TASP1: variants seen among roughly 807,000 people sequenced by gnomAD.
TASP1 encodes the protein threonine aspartase 1.
TASP1 carries 16 observed loss-of-function variants against 56.6 expected under a neutral mutation model. The ratio of observed to expected loss-of-function variants is 0.28; its 90% confidence interval spans 0.19 to 0.43. TASP1 has a LOEUF of 0.43. TASP1 is among the 20% of genes least tolerant of loss of function. The pLI is 1.00. For synonymous variants in TASP1, 179 were observed against 184.2 expected, an observed-to-expected ratio of 0.97 and a Z score of 0.23; for missense variants, 393 against 511.6, an observed-to-expected ratio of 0.77 and a Z score of 2.24.
At chr20:13,184,624 G>A in the TASP1 span, among the ~76,000 whole-genome samples, 1 of 152,180 alleles carries the variant, frequency 6.6e-6, no homozygotes, top group African/African-American at 2.4e-5. Flanking sequence ...TATGGGCATA[G>A]TATTCTTTCC....
At chr20:13,347,841 CAAA>C in the TASP1 span, among the ~76,000 whole-genome samples, 2 of 101,794 alleles carry the variant, frequency 2.0e-5, no homozygotes, top group Non-Finnish European at 2.1e-5. Context: ...GACTTTGTCT[CAAA>C]AAAAAAAAAA....
At chr20:13,357,470 CA>C in the TASP1 span, among the ~76,000 whole-genome samples, 1 of 152,112 alleles carries the variant, frequency 6.6e-6, no homozygotes, top group Admixed American at 6.5e-5. Flanking sequence ...AGAGAAAAGA[CA>C]ACAAATACAT....
chr20:13,201,414 A>T, the TASP1 span, among the ~76,000 whole-genome samples: 1 of 151,746 alleles, frequency 6.6e-6, no homozygotes, highest in Non-Finnish European at 1.5e-5. Context: ...GAGGGGAGAA[A>T]TTTGAATAAC....
chr20:13,221,301 C>A, the TASP1 span, among the ~76,000 whole-genome samples: 1 of 148,290 alleles, frequency 6.7e-6, no homozygotes, highest in South Asian at 2.1e-4. Flanking sequence ...GCTTCTCTGG[C>A]GGCCGCTCCC....
the TASP1 span, among the ~76,000 whole-genome samples, chr20:13,282,056 A>G: frequency 6.6e-6 from 1 of 152,188 alleles, no homozygotes; most frequent in Admixed American, 6.5e-5. Flanking sequence ...ATCCGTTTGA[A>G]CAAGCCCTCC....
chr20:13,541,306 C>T (rs185781198), intron 8 of TASP1, among the ~76,000 whole-genome samples: 3 of 152,210 alleles, frequency 2.0e-5, no homozygotes, highest in Non-Finnish European at 4.4e-5. Context: ...GTATAATATC[C>T]TCAAAGAAAA....
chr20:13,443,350 T>C (rs1314639240), intron 11 of TASP1, among the ~76,000 whole-genome samples: 2 of 152,226 alleles, frequency 1.3e-5, no homozygotes, highest in Non-Finnish European at 2.9e-5. Flanking sequence ...TGTGGGGCAC[T>C]GCTTAAGCGC....
At chr20:13,214,172 A>G in the TASP1 span, among the ~76,000 whole-genome samples, 3 of 152,184 alleles carry the variant, frequency 2.0e-5, no homozygotes, top group African/African-American at 7.2e-5. Flanking sequence ...TGCTGTGATG[A>G]TGTAGGAGGA....
At chr20:13,538,270 C>A (rs1020365625) in intron 8 of TASP1, among the ~76,000 whole-genome samples, 3 of 152,190 alleles carry the variant, frequency 2.0e-5, no homozygotes, top group African/African-American at 7.2e-5. Flanking sequence ...TCCCAAAGTG[C>A]TGGGATTACA....
At chr20:13,581,834 C>T (rs6134919) in intron 5 of TASP1, among the ~76,000 whole-genome samples, 68,609 of 151,962 alleles carry the variant, frequency 0.45, 16,089 homozygotes, top group East Asian at 0.55. Flanking sequence ...GTCATGTAAC[C>T]ACACTTATTA....
chr20:13,249,221 C>G, the TASP1 span, among the ~76,000 whole-genome samples: 5 of 152,320 alleles, frequency 3.3e-5, no homozygotes, highest in Non-Finnish European at 5.9e-5. Flanking sequence ...CTGTTCTCCC[C>G]ACCACTGAAA....
intron 9 of TASP1, 37 bp downstream of exon 9, chr20:13,533,985 T>C: frequency 6.3e-7 from 1 of 1,579,568 alleles, no homozygotes; most frequent in South Asian, 1.2e-5. Flanking sequence ...CATGCTTTAC[T>C]TTGAAAGGCT....
chr20:13,406,208 T>C lies in TASP1; in HGVS notation c.1170+11240A>G, dbSNP rs116236802. Among the ~76,000 whole-genome samples, 290 of 152,364 alleles carry C rather than the reference T, an allele frequency of 1.9e-3. 1 individual carries two copies. Among genetic ancestry groups the C allele is most frequent in the African/African-American group, 6.3e-3 (264 of 41,590 alleles). On this transcript the variant is annotated intron_variant, in intron 13 of 13. Coordinates refer to ENST00000337743, the MANE Select transcript of TASP1 (RefSeq NM_017714.3). ...ATAAAACCAACTTGTCAATTTCTTA[T>C]TTAAAAATGTCTGCTGGAATTTTTA...
chr20:13,575,805 A>G (rs1242734371), intron 6 of TASP1, among the ~76,000 whole-genome samples: 1 of 152,184 alleles, frequency 6.6e-6, no homozygotes, highest in Non-Finnish European at 1.5e-5. Flanking sequence ...TCTACCATAT[A>G]CCGCATTGGA....
chr20:13,142,252 C>T, the TASP1 span, among the ~76,000 whole-genome samples: 1 of 152,214 alleles, frequency 6.6e-6, no homozygotes, highest in Non-Finnish European at 1.5e-5. Flanking sequence ...CCACTTCCTT[C>T]CAGCCGTCCC....
the TASP1 span, among the ~76,000 whole-genome samples, chr20:13,358,070 G>A: frequency 6.6e-6 from 1 of 152,138 alleles, no homozygotes; most frequent in Non-Finnish European, 1.5e-5. Flanking sequence ...ATTACCTTGT[G>A]AAAGTCCTTT....
intron 13 of TASP1, chr20:13,393,116 C>T: frequency 4.7e-6 from 3 of 638,012 alleles, no homozygotes; most frequent in Non-Finnish European, 2.9e-6. Flanking sequence ...AGATCGTCAG[C>T]AATGCCTCCT....
intron 1 of TASP1, among the ~76,000 whole-genome samples, chr20:13,638,508 C>T (rs1008488515): frequency 8.0e-4 from 122 of 152,274 alleles, no homozygotes; most frequent in African/African-American, 2.7e-3. Flanking sequence ...GCCTTACCCC[C>T]AACCCGCCAC....
At chr20:13,449,393 G>A (rs992348201) in intron 11 of TASP1, among the ~76,000 whole-genome samples, 5 of 152,078 alleles carry the variant, frequency 3.3e-5, no homozygotes, top group Admixed American at 2.0e-4. Flanking sequence ...TTTACCATGA[G>A]AGCAACTCTA....
Sources: allele counts gnomAD v4.1 joint callset (sites outside exome capture counted in the v4.1 genomes callset), GRCh38; gene constraint gnomAD v4.1.1; transcripts MANE v1.5; gene names NCBI Gene and HGNC (gene_info 2026-07-23, HGNC 2026-07-21).